AP3B1: variants seen among roughly 807,000 people sequenced by gnomAD.
AP3B1 encodes AP-3 complex subunit beta-1.
In AP3B1, 61 loss-of-function variants were observed where a neutral mutation model predicts 132.5. That is an observed-to-expected ratio of 0.46 (90% CI 0.37 to 0.57). The LOEUF (loss-of-function observed/expected upper bound fraction) is 0.57, where lower values mean the gene tolerates loss of function less well. Ranked by LOEUF, AP3B1 falls within the 20% of genes least tolerant of loss-of-function variation. AP3B1 has a pLI of 0.00. For missense variants in AP3B1, 1,120 were observed against 1,289.4 expected, an observed-to-expected ratio of 0.87 and a Z score of 2.01; for synonymous variants, 388 against 438.3, an observed-to-expected ratio of 0.89 and a Z score of 1.43.
At chr5:78,167,611 A>C (rs975752333) in intron 11 of AP3B1, among the ~76,000 whole-genome samples, 1 of 151,694 alleles carries the variant, frequency 6.6e-6, no homozygotes, top group Non-Finnish European at 1.5e-5. Flanking sequence ...CAACATGTGG[A>C]TAAAGAACAT....
chr5:78,165,805 A>C, intron 11 of AP3B1, 133 bp from the exon 12 acceptor site: 16 of 732,008 alleles, frequency 2.2e-5, no homozygotes, highest in Non-Finnish European at 3.6e-5. Flanking sequence ...ACAGTGGCTC[A>C]TGCCTGTAAT....
chr5:78,090,262 T>G (rs1437623385), intron 21 of AP3B1, among the ~76,000 whole-genome samples: 1 of 152,246 alleles, frequency 6.6e-6, no homozygotes, highest in Non-Finnish European at 1.5e-5. Flanking sequence ...TAACATACTC[T>G]TGATATGTGG....
chr5:78,099,020 G>T (rs1474300033), intron 21 of AP3B1, among the ~76,000 whole-genome samples: 1 of 152,158 alleles, frequency 6.6e-6, no homozygotes, highest in Admixed American at 6.5e-5. Flanking sequence ...CCTTTAGTAG[G>T]TAATTAGGTT....
chr5:78,147,984 G>C (rs1267598839), intron 14 of AP3B1, among the ~76,000 whole-genome samples: 1 of 151,646 alleles, frequency 6.6e-6, no homozygotes, highest in East Asian at 1.9e-4. Context: ...AGTGAGATGA[G>C]ATTGCGCCAC....
chr5:78,192,781 G>C (rs527762098), intron 7 of AP3B1, among the ~76,000 whole-genome samples: 5 of 152,196 alleles, frequency 3.3e-5, no homozygotes, highest in Non-Finnish European at 5.9e-5. Context: ...ATGAACCTCA[G>C]AGAGCTTTCT....
intron 22 of AP3B1, among the ~76,000 whole-genome samples, chr5:78,068,526 G>A (rs1177476922): frequency 6.6e-6 from 1 of 152,012 alleles, no homozygotes; most frequent in Non-Finnish European, 1.5e-5. Flanking sequence ...AAATCTAGAA[G>A]AAATGGGTAA....
At chr5:78,247,934 A>T (rs978831781) in intron 2 of AP3B1, among the ~76,000 whole-genome samples, 3 of 152,138 alleles carry the variant, frequency 2.0e-5, no homozygotes, top group African/African-American at 7.2e-5. Flanking sequence ...TTTCCTTAGA[A>T]AATTTTTAGT....
rs141177671 is a variant in AP3B1, at chr5:78,162,723, C to T, written c.1363+96G>A. 4.2e-3 allele frequency: 5,884 copies of T among 1,400,626 alleles called. 26 individuals are homozygous for T. The highest frequency in any genetic ancestry group is 5.0e-3 in the Non-Finnish European group (4,981 of 1,003,528). The allele number at this position is 1,400,626 out of a possible 1,614,324, so 86.8% of individuals were successfully genotyped here. On this transcript the variant is annotated intron_variant, in intron 13 of 26. Transcript: ENST00000255194. ...CATACTACTGATATAACTGGAAAAG[C>T]TAAAATGCAAAGTTAGAAAAGGTTA...
rs1451204490 is a variant in AP3B1 at position 78,156,238 on chromosome 5, A to G, written c.1473+20T>C. The G allele has an allele frequency of 4.5e-6, 7 of 1,538,890 alleles. No individual in the cohort carries two copies. The highest frequency in any genetic ancestry group is 1.7e-4 in the Middle Eastern group (1 of 5,932). ...ACTTACTGAATAAAATTCAGCAAACATCTCTTAATTGATACTCACAGTGAT... is the reference window on the plus strand; with the variant it reads ...ACTTACTGAATAAAATTCAGCAAACGTCTCTTAATTGATACTCACAGTGAT... On this transcript the variant is annotated intron_variant, in intron 14 of 26. Coordinates refer to ENST00000255194, the MANE Select transcript of AP3B1 (RefSeq NM_003664.5).
chr5:78,271,192 C>T (rs1451891810), intron 1 of AP3B1, among the ~76,000 whole-genome samples: 3 of 152,092 alleles, frequency 2.0e-5, no homozygotes, highest in Admixed American at 6.5e-5. Context: ...GAGGCTGAGG[C>T]GAGAGGATCA....
intron 3 of AP3B1, among the ~76,000 whole-genome samples, chr5:78,235,522 C>T (rs573915878): frequency 6.6e-6 from 1 of 152,318 alleles, no homozygotes; most frequent in East Asian, 1.9e-4. Context: ...ATTTGTTCTA[C>T]TTCTGTTATA....
At chr5:78,068,857 A>G (rs547333968) in intron 22 of AP3B1, among the ~76,000 whole-genome samples, 6 of 152,314 alleles carry the variant, frequency 3.9e-5, no homozygotes, top group African/African-American at 7.2e-5. Flanking sequence ...AAAATCCTCA[A>G]TTAAATACTG....
intron 22 of AP3B1, chr5:78,043,615 G>T: frequency 4.1e-6 from 2 of 484,716 alleles, no homozygotes; most frequent in South Asian, 1.6e-5. Flanking sequence ...GGGTCACTTT[G>T]GTACCCCTGC....
chr5:78,239,439 C>A (rs1747020600), intron 3 of AP3B1, among the ~76,000 whole-genome samples: 1 of 148,468 alleles, frequency 6.7e-6, no homozygotes, highest in Admixed American at 6.8e-5. Context: ...CCACTGCACT[C>A]CAGCCTGGGA....
chr5:78,227,759 T>C (rs1214182979), intron 4 of AP3B1, among the ~76,000 whole-genome samples: 1 of 152,178 alleles, frequency 6.6e-6, no homozygotes, highest in East Asian at 1.9e-4. Context: ...ATAATTCTAG[T>C]TGGTCATTTA....
intron 1 of AP3B1, among the ~76,000 whole-genome samples, chr5:78,270,298 G>GA (rs1281317585): frequency 1.3e-5 from 2 of 152,048 alleles, no homozygotes; most frequent in African/African-American, 4.8e-5. Flanking sequence ...AAAGAAAAAA[G>GA]AAAGGACTTT....
intron 25 of AP3B1, among the ~76,000 whole-genome samples, chr5:78,018,276 G>A (rs1202139810): frequency 5.3e-5 from 8 of 151,782 alleles, no homozygotes; most frequent in Admixed American, 6.6e-5. Context: ...CCGTCAATAC[G>A]TAGAATAATC....
At chr5:78,025,111 A>G (rs142046377) in intron 24 of AP3B1, among the ~76,000 whole-genome samples, 3,045 of 152,260 alleles carry the variant, frequency 0.02, 156 homozygotes, top group Admixed American at 0.12. Flanking sequence ...CAGAGTACAT[A>G]CTCAAAATAT....
chr5:78,171,141 G>A (rs534580628), intron 11 of AP3B1, among the ~76,000 whole-genome samples: 145 of 152,262 alleles, frequency 9.5e-4, no homozygotes, highest in Non-Finnish European at 1.7e-3. Context: ...CTGTAGCCTC[G>A]TAGTATAGTT....
Sources: allele counts gnomAD v4.1 joint callset (sites outside exome capture counted in the v4.1 genomes callset), GRCh38; gene constraint gnomAD v4.1.1; transcripts MANE v1.5; gene names NCBI Gene and HGNC (gene_info 2026-07-23, HGNC 2026-07-21).